GRAP2: variants seen among roughly 807,000 people sequenced by gnomAD.
GRAP2 encodes GRB2 related adaptor protein 2, also known as GRB2-related adapter protein 2.
GRAP2 carries 31 observed loss-of-function variants against 43.5 expected under a neutral mutation model. The ratio of observed to expected loss-of-function variants is 0.71; its 90% CI spans 0.54 to 0.96. The LOEUF is 0.96. Among genes scored for constraint, GRAP2 ranks in the 40% least tolerant of loss-of-function variants. The pLI, the probability that GRAP2 is intolerant of heterozygous loss-of-function variation, is 0.00. For missense variants in GRAP2, 371 were observed against 424.4 expected (o/e 0.87, Z 1.11); for synonymous variants, 156 against 164.8 (o/e 0.95, Z 0.41).
chr22:39,915,188 CAA>C (rs71326789), intron 1 of GRAP2, among the ~76,000 whole-genome samples: 5 of 56,862 alleles, frequency 8.8e-5, no homozygotes, highest in Admixed American at 2.2e-4. Flanking sequence ...GACTCCATCT[CAA>C]AAAAAAAAAA....
chr22:39,901,672 A>G (rs1723840178), intron 1 of GRAP2, among the ~76,000 whole-genome samples: 2 of 152,156 alleles, frequency 1.3e-5, no homozygotes, highest in African/African-American at 4.8e-5. Flanking sequence ...TTTAATCCAA[A>G]TTGGAAGGGA....
At chr22:39,913,169 G>C (rs1323661949) in intron 1 of GRAP2, among the ~76,000 whole-genome samples, 4 of 149,292 alleles carry the variant, frequency 2.7e-5, no homozygotes, top group Non-Finnish European at 5.9e-5. Flanking sequence ...CTACAGCCTG[G>C]GTGACAGAGC....
chr22:39,954,614 C>T (rs929736670), intron 2 of GRAP2, among the ~76,000 whole-genome samples: 2 of 152,184 alleles, frequency 1.3e-5, no homozygotes, highest in South Asian at 2.1e-4. Flanking sequence ...AGGCTGGTCT[C>T]GAACTCCTGG....
chr22:39,902,418 A>G (rs2066499130), intron 1 of GRAP2, among the ~76,000 whole-genome samples: 1 of 152,230 alleles, frequency 6.6e-6, no homozygotes, highest in Non-Finnish European at 1.5e-5. Context: ...TCTCTTTACA[A>G]AACCATCTGC....
chr22:39,912,347 G>T (rs1436500584), intron 1 of GRAP2, among the ~76,000 whole-genome samples: 1 of 152,218 alleles, frequency 6.6e-6, no homozygotes, highest in Non-Finnish European at 1.5e-5. Flanking sequence ...GAGCCCAGGA[G>T]TTTGAAGTTG....
At chr22:39,936,427 C>T (rs1014546935) in intron 1 of GRAP2, among the ~76,000 whole-genome samples, 3 of 152,078 alleles carry the variant, frequency 2.0e-5, no homozygotes, top group African/African-American at 4.8e-5. Context: ...GCATTTCCAG[C>T]GAGGTTGGTG....
chr22:39,942,270 C>T (rs2066878855), intron 1 of GRAP2, among the ~76,000 whole-genome samples: 1 of 152,110 alleles, frequency 6.6e-6, no homozygotes, highest in African/African-American at 2.4e-5. Context: ...GTCAATTCGA[C>T]TGGGGGAGGC....
chr22:39,948,194 T>G (rs2066944466), intron 2 of GRAP2: 1 of 152,204 alleles, frequency 6.6e-6, no homozygotes, highest in African/African-American at 2.4e-5. Flanking sequence ...TCTTTTGGAA[T>G]ATGAACATGC....
intron 1 of GRAP2, among the ~76,000 whole-genome samples, chr22:39,914,892 A>C (rs1016153518): frequency 2.6e-5 from 4 of 152,178 alleles, no homozygotes; most frequent in Admixed American, 2.6e-4. Flanking sequence ...CTTATAAAAA[A>C]AAATATTCAT....
intron 1 of GRAP2, among the ~76,000 whole-genome samples, chr22:39,935,622 T>C (rs1010303884): frequency 6.6e-6 from 1 of 152,166 alleles, no homozygotes; most frequent in African/African-American, 2.4e-5. Flanking sequence ...GCCCTCCCAC[T>C]TTTCTGGGAT....
intron 1 of GRAP2, among the ~76,000 whole-genome samples, chr22:39,932,417 G>A (rs776914230): frequency 6.6e-6 from 1 of 152,034 alleles, no homozygotes; most frequent in Non-Finnish European, 1.5e-5. Flanking sequence ...ATGCATAAAA[G>A]TGACAATAGC....
At chr22:39,952,171 C>T (rs2066991609) in intron 2 of GRAP2, among the ~76,000 whole-genome samples, 1 of 151,990 alleles carries the variant, frequency 6.6e-6, no homozygotes, top group South Asian at 2.1e-4. Flanking sequence ...AGATTACAGG[C>T]ATGCACCACC....
chr22:39,900,112 G>A (rs1383361983), upstream of GRAP2, among the ~76,000 whole-genome samples: 3 of 152,064 alleles, frequency 2.0e-5, no homozygotes, highest in East Asian at 5.8e-4. Context: ...AAAAATGTTG[G>A]GCAATTATAA....
intron 1 of GRAP2, among the ~76,000 whole-genome samples, chr22:39,925,143 TA>T (rs2066686574): frequency 1.3e-5 from 2 of 152,082 alleles, no homozygotes; most frequent in South Asian, 4.2e-4. Context: ...AAGGTGGAAT[TA>T]TTAAGAGATT....
chr22:39,964,260 T>C (rs998733830), intron 4 of GRAP2: 2 of 616,058 alleles, frequency 3.2e-6, no homozygotes, highest in Admixed American at 5.8e-5. Context: ...CCATTTTCTC[T>C]AGCCCTGGTT....
intron 1 of GRAP2, among the ~76,000 whole-genome samples, chr22:39,941,950 A>G (rs2066875770): frequency 6.6e-6 from 1 of 151,964 alleles, no homozygotes; most frequent in Non-Finnish European, 1.5e-5. Flanking sequence ...CAGTGTGCAG[A>G]GCTGGAGGGG....
chr22:39,963,260 C>A (rs2067137624), intron 4 of GRAP2, among the ~76,000 whole-genome samples: 1 of 152,144 alleles, frequency 6.6e-6, no homozygotes, highest in Non-Finnish European at 1.5e-5. Context: ...AGTCCAGCGC[C>A]CTGAGTCGCA....
At chr22:39,927,170 G>GCC (rs538008395) in intron 1 of GRAP2, among the ~76,000 whole-genome samples, 11 of 151,822 alleles carry the variant, frequency 7.2e-5, no homozygotes, top group African/African-American at 2.7e-4. Context: ...TTTTAATTCT[G>GCC]CCCCCCCGGC....
chr22:39,936,770 A>G (rs1420313337), intron 1 of GRAP2, among the ~76,000 whole-genome samples: 1 of 152,202 alleles, frequency 6.6e-6, no homozygotes, highest in African/African-American at 2.4e-5. Context: ...TAAGTCTATT[A>G]GCTGAGATTG....
Sources: allele counts gnomAD v4.1 joint callset (sites outside exome capture counted in the v4.1 genomes callset), GRCh38; gene constraint gnomAD v4.1.1; transcripts MANE v1.5; gene names NCBI Gene and HGNC (gene_info 2026-07-23, HGNC 2026-07-21).